CACNA1E: variants seen among roughly 807,000 people sequenced by gnomAD.
CACNA1E encodes voltage-dependent R-type calcium channel subunit alpha-1E.
In CACNA1E, 40 loss-of-function variants were observed where a neutral mutation model predicts 259.2. The observed-to-expected ratio is 0.15, with a 90% CI of 0.12 to 0.20. The LOEUF is 0.20. Ranked by LOEUF, CACNA1E falls within the 10% of genes least tolerant of loss-of-function variation. CACNA1E has a pLI of 1.00. For synonymous variants in CACNA1E, 1,104 were observed against 1,138.5 expected (o/e 0.97, Z 0.61); for missense variants, 1,874 against 3,040.1 (o/e 0.62, Z 9.02).
At chr1:181,576,883 A>T (rs1651030772) in intron 3 of CACNA1E, among the ~76,000 whole-genome samples, 1 of 152,220 alleles carries the variant, frequency 6.6e-6, no homozygotes, top group Admixed American at 6.5e-5. Context: ...CTAGACCACG[A>T]TACCCCCTTA....
chr1:181,468,243 A>C (rs1662271675), intron 2 of CACNA1E, among the ~76,000 whole-genome samples: 1 of 152,228 alleles, frequency 6.6e-6, no homozygotes, highest in Non-Finnish European at 1.5e-5. Context: ...TTGCAGGTTC[A>C]CGGTGACCAC....
At chr1:181,338,727 A>G (rs538581748) in intron 1 of CACNA1E, among the ~76,000 whole-genome samples, 2 of 152,238 alleles carry the variant, frequency 1.3e-5, no homozygotes, top group African/African-American at 4.8e-5. Flanking sequence ...TCAAAAAATT[A>G]TTGCCAAGGC....
intron 6 of CACNA1E, among the ~76,000 whole-genome samples, chr1:181,643,845 C>T (rs949915344): frequency 6.6e-6 from 1 of 152,278 alleles, no homozygotes; most frequent in South Asian, 2.1e-4. Context: ...TCTGAATGAC[C>T]AGAATGTGTG....
intron 1 of CACNA1E, among the ~76,000 whole-genome samples, chr1:181,501,416 A>G (rs1665240067): frequency 6.6e-6 from 1 of 152,176 alleles, no homozygotes; most frequent in Non-Finnish European, 1.5e-5. Context: ...CCTTTCAGCC[A>G]CTTTATCCAG....
At chr1:181,754,943 A>G (rs1306188207) in intron 27 of CACNA1E, among the ~76,000 whole-genome samples, 3 of 152,254 alleles carry the variant, frequency 2.0e-5, no homozygotes, top group Non-Finnish European at 2.9e-5. Flanking sequence ...CCGTACCAGG[A>G]TCACACAGAG....
At position 181,460,849 on chromosome 1, in the gene CACNA1E, G is replaced by A. The variant is rs79160573; in HGVS notation, c.435-22895G>A. ...CTGAGTTTGAATTCTAGTTTGACCC[G>A]TTTCTAGGTATGTGGCCTTTAAGTT... On this transcript the variant is annotated intron_variant, in intron 2 of 11. Coordinates refer to the CACNA1E transcript ENST00000524607. Among the ~76,000 whole-genome samples the A allele has an allele frequency of 3.5e-4, 54 of 152,290 alleles. 1 individual carries two copies. The East Asian group carries it at 8.1e-3, about 23-fold the overall frequency.
At chr1:181,679,915 C>A (rs922155309) in intron 7 of CACNA1E, among the ~76,000 whole-genome samples, 7 of 151,942 alleles carry the variant, frequency 4.6e-5, no homozygotes, top group Admixed American at 6.6e-5. Context: ...GCAGACTGGG[C>A]AACATTGTGG....
At chr1:181,437,899 G>T (rs1660197718) in intron 2 of CACNA1E, among the ~76,000 whole-genome samples, 1 of 152,156 alleles carries the variant, frequency 6.6e-6, no homozygotes, top group Non-Finnish European at 1.5e-5. Flanking sequence ...TCTCCTCTGA[G>T]CTCCTGAGGC....
chr1:181,329,621 A>G (rs537223858), intron 1 of CACNA1E, among the ~76,000 whole-genome samples: 2 of 152,196 alleles, frequency 1.3e-5, no homozygotes, highest in East Asian at 1.9e-4. Context: ...GTTAGTGCCT[A>G]TTCATTGTTC....
chr1:181,732,845 G>A lies in CACNA1E; in HGVS notation c.2759G>A (p.Arg920His), dbSNP rs377338098. ...GCCAGGCACAGGCAGAGCCAACGGC[G>A]CAGCCGGCATCGCCGCGTCAGGACA... is the stretch of plus-strand genomic sequence containing the variant. ...DRARHRQSQR[R>H]SRHRRVRTEG... The change falls in exon 20 of 48, where the codon CGC becomes CAC. Residue 920 changes from arginine (R) to histidine (H), a missense_variant. Physicochemically the swap from Arg to His is conservative, Grantham distance 29. Coordinates refer to ENST00000367573, the MANE Select transcript of CACNA1E (RefSeq NM_001205293.3). This position sits in a 1 kb window ranked among gnomAD's most constrained non-coding sequence, Gnocchi z 5.5. 45 of 1,613,654 alleles carry A rather than the reference G, an allele frequency of 2.8e-5. No homozygotes were observed. The highest frequency in any genetic ancestry group is 3.3e-4 in the Middle Eastern group (2 of 6,058).
intron 1 of CACNA1E, among the ~76,000 whole-genome samples, chr1:181,407,045 T>A (rs1657514165): frequency 6.6e-6 from 1 of 152,156 alleles, no homozygotes; most frequent in Non-Finnish European, 1.5e-5. Context: ...CTCTTTCAAC[T>A]CCTCCGCAGA....
At chr1:181,572,352 A>G (rs1650502359) in intron 3 of CACNA1E, among the ~76,000 whole-genome samples, 1 of 152,218 alleles carries the variant, frequency 6.6e-6, no homozygotes, top group Non-Finnish European at 1.5e-5. Flanking sequence ...CTTGTGCTGC[A>G]TCATCAGGAT....
chr1:181,672,777 A>G (rs1042103571), intron 7 of CACNA1E, among the ~76,000 whole-genome samples: 1 of 152,212 alleles, frequency 6.6e-6, no homozygotes, highest in African/African-American at 2.4e-5. Context: ...TTTCTTATCC[A>G]TATAGTCTTT....
At chr1:181,658,676 G>C (rs1272040464) in intron 7 of CACNA1E, among the ~76,000 whole-genome samples, 1 of 152,176 alleles carries the variant, frequency 6.6e-6, no homozygotes, top group African/African-American at 2.4e-5. Flanking sequence ...GCACAGATTA[G>C]ATGTCATGGA....
At chr1:181,432,916 A>G (rs996332240) in intron 2 of CACNA1E, among the ~76,000 whole-genome samples, 1 of 152,238 alleles carries the variant, frequency 6.6e-6, no homozygotes, top group Admixed American at 6.5e-5. Flanking sequence ...ATTTAATCCA[A>G]TGCACCAAAA....
At chr1:181,321,117 T>A (rs1235291479) in intron 1 of CACNA1E, among the ~76,000 whole-genome samples, 1 of 152,002 alleles carries the variant, frequency 6.6e-6, no homozygotes, top group East Asian at 1.9e-4. Context: ...TTGTGGCAAT[T>A]AATAGAAAGA....
At chr1:181,756,321 A>G (rs1658083665) in intron 29 of CACNA1E, among the ~76,000 whole-genome samples, 1 of 152,242 alleles carries the variant, frequency 6.6e-6, no homozygotes, top group Admixed American at 6.5e-5. Context: ...TTAATGTTTT[A>G]GCCAATTATT....
intron 2 of CACNA1E, among the ~76,000 whole-genome samples, chr1:181,443,737 A>G (rs1184195242): frequency 1.3e-5 from 2 of 152,334 alleles, no homozygotes; most frequent in East Asian, 3.9e-4. Flanking sequence ...GGTCTCTCCA[A>G]TGGTGAGGCC....
chr1:181,394,151 A>T (rs1399492957), intron 1 of CACNA1E, among the ~76,000 whole-genome samples: 1 of 152,126 alleles, frequency 6.6e-6, no homozygotes, highest in Non-Finnish European at 1.5e-5. Flanking sequence ...CAAGAATGGG[A>T]AGAGTGGTGG....
Sources: allele counts gnomAD v4.1 joint callset (sites outside exome capture counted in the v4.1 genomes callset), GRCh38; gene constraint gnomAD v4.1.1; non-coding constraint Gnocchi (gnomAD v3.1); transcripts MANE v1.5; gene names NCBI Gene and HGNC (gene_info 2026-07-23, HGNC 2026-07-21).